The following ADGRV1 variants were observed in gnomAD, a reference collection of about 807,000 sequenced individuals.
ADGRV1 encodes the protein G-protein coupled receptor 98.
Under a neutral mutation model 596.2 loss-of-function variants are expected in ADGRV1, and 359 were observed. The observed-to-expected ratio is 0.60, with a 90% CI of 0.55 to 0.66. The LOEUF (loss-of-function observed/expected upper bound fraction) is 0.66. ADGRV1 is among the 30% of genes least tolerant of loss of function. The probability of loss-of-function intolerance (pLI) is 0.00; values close to 1 mark genes in which losing one functional copy is unlikely to be tolerated. For missense variants in ADGRV1, 7,274 were observed against 7,575.6 expected, an observed-to-expected ratio of 0.96 and a Z score of 1.48; for synonymous variants, 2,681 against 2,679.2, an observed-to-expected ratio of 1.00 and a Z score of -0.02.
chr5:90,696,951 A>G lies in ADGRV1; in HGVS notation c.7960A>G (p.Thr2654Ala). 1 of 1,610,906 alleles carries G rather than the reference A, an allele frequency of 6.2e-7. No individual in the cohort carries two copies. Among genetic ancestry groups the G allele is most frequent in the Non-Finnish European group, 8.5e-7 (1 of 1,177,888 alleles). Residue 2654 changes from threonine (T) to alanine (A), a missense_variant, in exon 34 of 90, where the codon ACA becomes GCA. Transcript: ENST00000405460. ...TGTTTTTATAGGTGAAACCAAAAAGACAGTCATTTTAACCATCTTGGATGA... is the reference window on the plus strand; with the variant it reads ...TGTTTTTATAGGTGAAACCAAAAAGGCAGTCATTTTAACCATCTTGGATGA... The part of the protein sequence containing the change: ...LTFAEGETKK[T>A]VILTILDDSE...
intron 1 of ADGRV1, among the ~76,000 whole-genome samples, chr5:90,570,455 T>G (rs927062194): frequency 6.6e-6 from 1 of 152,140 alleles, no homozygotes; most frequent in Non-Finnish European, 1.5e-5. Context: ...ATATGTAGAT[T>G]AATGTTTTTA....
intron 83 of ADGRV1, 83 bp from the exon 84 acceptor site, chr5:90,965,326 ATAGATT>A: frequency 1.2e-6 from 1 of 809,110 alleles, no homozygotes; most frequent in Admixed American, 2.0e-5. Context: ...TCACTGAGTC[ATAGATT>A]TAGATAAGAA....
intron 82 of ADGRV1, among the ~76,000 whole-genome samples, chr5:90,859,924 A>G (rs1035803160): frequency 2.3e-4 from 21 of 92,728 alleles, no homozygotes; most frequent in Admixed American, 1.8e-3. Flanking sequence ...TACAAAAAGT[A>G]AAAAAAAAAA....
chr5:90,657,103 A>C (rs1476785773), intron 20 of ADGRV1, among the ~76,000 whole-genome samples: 1 of 151,760 alleles, frequency 6.6e-6, no homozygotes, highest in Non-Finnish European at 1.5e-5. Flanking sequence ...ATAATAATAT[A>C]GTACTGAAGT....
intron 71 of ADGRV1, among the ~76,000 whole-genome samples, chr5:90,804,642 G>C (rs1466761838): frequency 6.6e-6 from 1 of 152,122 alleles, no homozygotes; most frequent in Non-Finnish European, 1.5e-5. Context: ...GAGGTAAACT[G>C]AATTGTTCAA....
At chr5:90,782,296 G>T (rs1333012270) in intron 65 of ADGRV1, among the ~76,000 whole-genome samples, 1 of 151,970 alleles carries the variant, frequency 6.6e-6, no homozygotes, top group Non-Finnish European at 1.5e-5. Flanking sequence ...TGAGTTTATG[G>T]GTAAGTTGTG....
At chr5:90,907,348 ATTATTT>A (rs1440590651) in intron 83 of ADGRV1, among the ~76,000 whole-genome samples, 1 of 152,194 alleles carries the variant, frequency 6.6e-6, no homozygotes, top group Non-Finnish European at 1.5e-5. Context: ...ATTAATAAAT[ATTATTT>A]TTTGTCCAGC....
intron 85 of ADGRV1, among the ~76,000 whole-genome samples, chr5:91,044,002 G>A (rs1201877434): frequency 6.6e-6 from 1 of 151,814 alleles, no homozygotes; most frequent in Non-Finnish European, 1.5e-5. Flanking sequence ...CTGTATACTT[G>A]GAGTCTAGAA....
rs369343133 is a variant in ADGRV1 at position 91,027,802 on chromosome 5, T to C, written c.18152+42280T>C. Among the ~76,000 whole-genome samples, 65 of 152,320 alleles carry C rather than the reference T, an allele frequency of 4.3e-4. 3 individuals carry two copies. The South Asian group carries it at 0.013, about 30-fold the overall frequency. On this transcript the variant is annotated intron_variant, in intron 85 of 89. Transcript: ENST00000405460. ...AAACAAGGAGCATTGCTTTTTCCTG[T>C]GTTGTACAATAGTTAAGTCTAATTT...
intron 59 of ADGRV1, among the ~76,000 whole-genome samples, chr5:90,768,044 A>G (rs559634258): frequency 6.6e-6 from 1 of 152,236 alleles, no homozygotes; most frequent in Non-Finnish European, 1.5e-5. Flanking sequence ...TTCCTCAGTA[A>G]TAAGAAGCAA....
At chr5:90,840,537 G>T in intron 77 of ADGRV1, 41 bp from the exon 78 acceptor site, 1 of 1,492,406 alleles carries the variant, frequency 6.7e-7, no homozygotes, top group Non-Finnish European at 9.0e-7. Flanking sequence ...CAAGATCAGA[G>T]GTGTCATAGA....
At chr5:90,814,439 T>C (rs533577291) in intron 74 of ADGRV1, among the ~76,000 whole-genome samples, 2 of 152,114 alleles carry the variant, frequency 1.3e-5, no homozygotes, top group Admixed American at 1.3e-4. Flanking sequence ...CATGATAATA[T>C]GGTTTGGCTC....
chr5:90,724,755 T>A, intron 45 of ADGRV1, 77 bp from the exon 46 acceptor site: 1 of 1,311,646 alleles, frequency 7.6e-7, no homozygotes, highest in South Asian at 1.2e-5. Context: ...ACTTGTCTCA[T>A]TGTTTAAACA....
chr5:90,983,662 A>G (rs933547698), intron 84 of ADGRV1, among the ~76,000 whole-genome samples: 3 of 152,232 alleles, frequency 2.0e-5, no homozygotes, highest in African/African-American at 7.2e-5. Context: ...AATTATAGAA[A>G]GAAAAAAAAA....
At chr5:90,729,553 G>C in intron 49 of ADGRV1, 89 bp from the exon 50 acceptor site, 1 of 1,013,946 alleles carries the variant, frequency 9.9e-7, no homozygotes, top group Non-Finnish European at 1.4e-6. Flanking sequence ...TTTGTTTCTT[G>C]ATATTTTTAT....
At chr5:90,774,573 A>G (rs1024011879) in intron 60 of ADGRV1, among the ~76,000 whole-genome samples, 14 of 152,156 alleles carry the variant, frequency 9.2e-5, no homozygotes, top group African/African-American at 3.1e-4. Context: ...GTGTTTATAA[A>G]ATGTAAAATA....
chr5:90,870,596 T>C (rs1002359843), intron 83 of ADGRV1, among the ~76,000 whole-genome samples: 2 of 152,098 alleles, frequency 1.3e-5, no homozygotes, highest in African/African-American at 4.8e-5. Flanking sequence ...AGAGAAATGA[T>C]GAAAATTAGA....
chr5:90,977,246 A>G (rs1268367059), intron 84 of ADGRV1, among the ~76,000 whole-genome samples: 1 of 152,190 alleles, frequency 6.6e-6, no homozygotes, highest in Non-Finnish European at 1.5e-5. Context: ...TCATGCAATA[A>G]ATGTTAAGAA....
chr5:90,767,464 T>C (rs953746962), intron 59 of ADGRV1, among the ~76,000 whole-genome samples: 11 of 152,130 alleles, frequency 7.2e-5, no homozygotes, highest in Non-Finnish European at 1.3e-4. Flanking sequence ...AGAGAAAATA[T>C]TGAAAATTGT....
Sources: allele counts gnomAD v4.1 joint callset (sites outside exome capture counted in the v4.1 genomes callset), GRCh38; gene constraint gnomAD v4.1.1; transcripts MANE v1.5; gene names NCBI Gene and HGNC (gene_info 2026-07-23, HGNC 2026-07-21).